The following WEE1 variants were observed in gnomAD, a reference collection of about 807,000 sequenced individuals.
WEE1 encodes the protein wee1-like protein kinase.
Under a neutral mutation model 68.8 loss-of-function variants are expected in WEE1, and 16 were observed. That is an observed-to-expected ratio of 0.23 (90% CI 0.16 to 0.35). WEE1 has a LOEUF of 0.35. Ranked by LOEUF, WEE1 falls within the 10% of genes least tolerant of loss-of-function variation. WEE1 has a pLI of 1.00. For missense variants in WEE1, 651 were observed against 824.1 expected (o/e 0.79, Z 2.57); for synonymous variants, 349 against 318.7 (o/e 1.09, Z -1.01).
At position 9,577,241 on chromosome 11, in the gene WEE1, T is replaced by C; in HGVS notation, c.1119T>C (p.Leu373=). The stretch of plus-strand genomic sequence containing the variant: ...CGTGGGCAGAAGATGATCATATGCT[T>C]ATACAGAATGAATATTGTAATGGTG... ...FSAWAEDDHM[L]IQNEYCNGGS... The change falls in exon 5 of 11, where the codon CTT becomes CTC. Residue 373 remains leucine (L), a synonymous_variant. Coordinates refer to ENST00000450114, the MANE Select transcript of WEE1 (RefSeq NM_003390.4). 6.2e-7 allele frequency: 1 copy of C among 1,613,854 alleles called. No individual in the cohort carries two copies. Among genetic ancestry groups the C allele is most frequent in the South Asian group, 1.1e-5 (1 of 90,996 alleles).
At chr11:9,578,655 T>G (rs532292660) in intron 5 of WEE1, 1 of 152,342 alleles carries the variant, frequency 6.6e-6, no homozygotes, top group African/African-American at 2.4e-5. Context: ...CTTTCTCACC[T>G]TCTTGATGTG....
chr11:9,580,033 T>A (rs1849607353), intron 5 of WEE1: 1 of 152,130 alleles, frequency 6.6e-6, no homozygotes, highest in Admixed American at 6.6e-5. Flanking sequence ...TATAAACAAA[T>A]TAACTGATTG....
chr11:9,582,643 T>C (rs1211086585), intron 6 of WEE1, among the ~76,000 whole-genome samples: 2 of 152,212 alleles, frequency 1.3e-5, no homozygotes, highest in East Asian at 3.8e-4. Flanking sequence ...CTCAGCTCTC[T>C]GTAACCTCTG....
Position 9,589,440 on chromosome 11 carries a change from A to G in WEE1, c.*838A>G, listed in dbSNP as rs1321430822. ...TTAAATGTCTCCCCCTAAGTTTTAT[A>G]CTTGATTGTATTATTAGTCTGTTTT... On this transcript the variant is annotated 3_prime_UTR_variant, in exon 11 of 11. Transcript: ENST00000450114. 1.7e-5 allele frequency: 17 copies of G among 984,818 alleles called. No homozygotes were observed. The highest frequency in any genetic ancestry group is 2.0e-5 in the Non-Finnish European group (17 of 829,682). The allele number at this position is 984,818 out of a possible 1,614,324, so 61.0% of individuals were successfully genotyped here. A position where few individuals can be genotyped will look rare whatever the true frequency, so the allele number is the denominator to read the frequency against.
At chr11:9,578,478 C>G (rs1849587132) in intron 5 of WEE1, 1 of 152,280 alleles carries the variant, frequency 6.6e-6, no homozygotes, top group Admixed American at 6.5e-5. Context: ...TGAAATGTTT[C>G]TATTCATACC....
At position 9,576,518 on chromosome 11, in the gene WEE1, C is replaced by T; in HGVS notation, c.878C>T (p.Ser293Phe). ...RITITESNMK[S>F]RYTTEFHELE... The stretch of plus-strand genomic sequence containing the variant: ...ACAATTACTGAAAGCAATATGAAGT[C>T]CCGGTATACAACAGAATTTCATGAG... The change falls in exon 4 of 11, where the codon TCC (serine) becomes TTC (phenylalanine). Residue 293 changes from serine to phenylalanine, a missense_variant. Physicochemically the swap from Ser to Phe is radical, Grantham distance 155 (BLOSUM62 -2). Around this residue, in one of 5 missense-constraint regions of WEE1, gnomAD observed 41 missense variants for 125.6 expected, o/e 0.33. Transcript: ENST00000450114. This position sits in a 1 kb window ranked among gnomAD's most constrained non-coding sequence, Gnocchi z 4.3. 6.2e-7 allele frequency: 1 copy of T among 1,613,222 alleles called. No individual in the cohort carries two copies. Among genetic ancestry groups the T allele is most frequent in the Non-Finnish European group, 8.5e-7 (1 of 1,179,758 alleles).
At chr11:9,583,788 CACACACACACACACATAT>C (rs1849662968) in intron 6 of WEE1, among the ~76,000 whole-genome samples, 4 of 30,706 alleles carry the variant, frequency 1.3e-4, no homozygotes, top group East Asian at 5.6e-4. Flanking sequence ...CACACACACA[CACACACACACACACATAT>C]ATATATATAT....
At chr11:9,585,711 C>T (rs779327868) in intron 8 of WEE1, among the ~76,000 whole-genome samples, 184 bp downstream of exon 8, 5 of 151,796 alleles carry the variant, frequency 3.3e-5, no homozygotes, top group Non-Finnish European at 7.4e-5. Flanking sequence ...ATGGAGTTGT[C>T]GTAAAAAATA....
intron 6 of WEE1, among the ~76,000 whole-genome samples, chr11:9,583,790 CACACACACACACATATATATATAT>C (rs1356959349): frequency 3.3e-5 from 1 of 30,508 alleles, no homozygotes; most frequent in African/African-American, 1.2e-4. Flanking sequence ...CACACACACA[CACACACACACACATATATATATAT>C]ATATATATAT....
intron 1 of WEE1, chr11:9,575,676 C>A: frequency 1.7e-6 from 1 of 572,662 alleles, no homozygotes; most frequent in South Asian, 2.2e-5. Flanking sequence ...GCAGATTTTA[C>A]TTGGCTATTT....
intron 6 of WEE1, among the ~76,000 whole-genome samples, chr11:9,584,236 A>G (rs1400802486): frequency 4.6e-5 from 7 of 152,002 alleles, no homozygotes; most frequent in Admixed American, 4.6e-4. Context: ...CCTGGGCTCA[A>G]ATGAACCTCC....
intron 5 of WEE1, 138 bp from the exon 6 acceptor site, chr11:9,581,394 A>T: frequency 1.4e-6 from 1 of 722,746 alleles, no homozygotes; most frequent in South Asian, 2.2e-5. Context: ...TTGATTTCAC[A>T]AGCAGGTTGA....
chr11:9,589,898 T>C lies in WEE1; in HGVS notation c.*1296T>C. The C allele has an allele frequency of 5.6e-6, 1 of 177,108 alleles. No individual in the cohort carries two copies. 11.0% of individuals were successfully genotyped at this position (177,108 alleles called of 1,614,324 possible). Reference sequence around the variant, plus strand: ...TGAATATGAATATCACATTGCATGTTATGCATGTGACTTGCTAGAAATGTA... The same window carrying C: ...TGAATATGAATATCACATTGCATGTCATGCATGTGACTTGCTAGAAATGTA... On this transcript the variant is annotated 3_prime_UTR_variant, in exon 11 of 11. Transcript: ENST00000450114.
intron 1 of WEE1, chr11:9,575,531 A>G (rs1292296848): frequency 2.2e-6 from 1 of 446,030 alleles, no homozygotes. Flanking sequence ...AGCCCTATCT[A>G]GATGGGGGAG....
At chr11:9,585,171 A>G (rs1849686276) in intron 6 of WEE1, 87 bp from the exon 7 acceptor site, 3 of 1,047,246 alleles carry the variant, frequency 2.9e-6, no homozygotes, top group Non-Finnish European at 2.9e-6. Context: ...TTTAAAAAGC[A>G]TTATGGATGA....
At chr11:9,586,386 G>A (rs1849700115) in intron 8 of WEE1, 63 bp from the exon 9 acceptor site, 3 of 1,450,148 alleles carry the variant, frequency 2.1e-6, no homozygotes, top group South Asian at 1.3e-5. Flanking sequence ...CATCTTTGAG[G>A]TGTAATCTTG....
At position 9,576,180 on chromosome 11, in the gene WEE1, C is replaced by T; in HGVS notation, c.783-50C>T. The T allele has an allele frequency of 1.3e-6, 2 of 1,594,076 alleles. No homozygotes were observed. Among genetic ancestry groups the T allele is most frequent in the Non-Finnish European group, 8.6e-7 (1 of 1,167,058 alleles). On this transcript the variant is annotated intron_variant, in intron 2 of 10. Coordinates refer to ENST00000450114, the MANE Select transcript of WEE1 (RefSeq NM_003390.4). The surrounding 1 kb of genome is among the most constrained non-coding windows in gnomAD (Gnocchi z 4.3). The stretch of plus-strand genomic sequence containing the variant: ...TCAAAATTTAGTTCCTATTTAATGG[C>T]ATGGATGTATCTGTCAGATATATTG...
chr11:9,580,121 C>T (rs978350935), intron 5 of WEE1: 14 of 152,218 alleles, frequency 9.2e-5, no homozygotes, highest in Admixed American at 8.5e-4. Context: ...TACTAAAATA[C>T]TGTCTTTTTA....
Position 9,585,294 on chromosome 11 carries a change from C to T in WEE1, c.1325C>T (p.Ala442Val). ...ATATCTCGAACCTCAATCCCAAATGCTGCCTCTGAAGAAGGAGACGAAGAT... is the reference window on the plus strand; with the variant it reads ...ATATCTCGAACCTCAATCCCAAATGTTGCCTCTGAAGAAGGAGACGAAGAT... ...IFISRTSIPN[A>V]ASEEGDEDDW... The change falls in exon 7 of 11, where the codon GCT (alanine) becomes GTT (valine). Residue 442 changes from alanine (A) to valine (V), a missense_variant. Physicochemically the swap from Ala to Val is moderately conservative, Grantham distance 64. This residue lies in a region of WEE1 where 82 missense variants were observed against 123.2 expected (regional missense o/e 0.67). Coordinates refer to ENST00000450114, the MANE Select transcript of WEE1 (RefSeq NM_003390.4). 6 of 1,614,042 alleles carry T rather than the reference C, an allele frequency of 3.7e-6. No homozygotes were observed. The highest frequency in any genetic ancestry group is 5.1e-6 in the Non-Finnish European group (6 of 1,179,960).
Sources: gnomAD v4.1 joint callset for allele counts (sites outside exome capture counted in the v4.1 genomes callset) on GRCh38, gnomAD v4.1.1 for gene constraint, gnomAD v4.1.1 regional missense constraint, Gnocchi (gnomAD v3.1) non-coding constraint, MANE v1.5 for transcripts, NCBI Gene and HGNC (gene_info 2026-07-23, HGNC 2026-07-21) for gene names.